Variants in ODAD3 observed in about 807,000 individuals in gnomAD.
ODAD3 encodes outer dynein arm-docking complex subunit 3.
In ODAD3, 57 loss-of-function variants were observed where a neutral mutation model predicts 70.9. The observed-to-expected ratio is 0.80, with a 90% CI of 0.65 to 1.00. The LOEUF is 1.00. Among genes scored for constraint, ODAD3 ranks in the 50% least tolerant of loss-of-function variants. ODAD3 has a pLI of 0.00. For synonymous variants in ODAD3, 327 were observed against 315.9 expected, an observed-to-expected ratio of 1.04 and a Z score of -0.37; for missense variants, 797 against 763.9, an observed-to-expected ratio of 1.04 and a Z score of -0.51.
chr19:11,428,699 C>T (rs1015716837), intron 3 of ODAD3, among the ~76,000 whole-genome samples: 1 of 152,006 alleles, frequency 6.6e-6, no homozygotes, highest in Non-Finnish European at 1.5e-5. Flanking sequence ...CAATCCTGTG[C>T]CACCACATTT....
chr19:11,423,745 G>A, intron 8 of ODAD3, 132 bp downstream of exon 8: 1 of 886,264 alleles, frequency 1.1e-6, no homozygotes, highest in Non-Finnish European at 1.7e-6. Flanking sequence ...GAAAGGAGCA[G>A]GTTTGTGAGC....
rs974238862 is a variant in ODAD3, at chr19:11,421,742, T to C, written c.1525A>G (p.Lys509Glu). ...LLGLVEEKLL[K>E]LQAQLQGHDV... ...TGGCCCTGGAGCTGCGCCTGCAGTT[T>C]CAGCAGCTTTTCCTCCACGAGGCCC... Residue 509 changes from lysine (K) to glutamate (E), a missense_variant, in exon 11 of 13, where the codon AAA becomes GAA. Transcript: ENST00000356392. The C allele has an allele frequency of 3.1e-6, 5 of 1,613,322 alleles. No individual in the cohort carries two copies. The African/African-American group carries it at 6.7e-5, about 22-fold the overall frequency.
In ODAD3 at chr19:11,424,923, C is replaced by A. The variant is rs185730125; in HGVS notation, c.964-894G>T. 6.7e-4 allele frequency among the ~76,000 whole-genome samples: 63 copies of A among 94,568 alleles called. 1 individual carries two copies. The highest frequency in any genetic ancestry group is 2.4e-3 in the South Asian group (8 of 3,308). The allele number at this position is 94,568 out of a possible 152,430, so 62.0% of individuals were successfully genotyped here. ...TATATGTATATATGTGTATATGTAC[C>A]TATGTGTATATATGTATATATGTGT... On this transcript the variant is annotated intron_variant, in intron 7 of 12. Transcript: ENST00000356392.
At chr19:11,435,351 A>C (rs1599474452), upstream of ODAD3, 1 of 496,992 alleles carries the variant, frequency 2.0e-6, no homozygotes, top group Non-Finnish European at 3.4e-6. Flanking sequence ...CCGTTTCCCT[A>C]CCTCCCCCAA....
intron 7 of ODAD3, among the ~76,000 whole-genome samples, chr19:11,425,391 A>G (rs1189974518): frequency 8.2e-6 from 1 of 121,510 alleles, no homozygotes; most frequent in South Asian, 2.3e-4. Context: ...GTATGTACAT[A>G]TGTGTATATG....
At chr19:11,423,191 C>G (rs1969182828) in intron 8 of ODAD3, among the ~76,000 whole-genome samples, 2 of 152,226 alleles carry the variant, frequency 1.3e-5, no homozygotes, top group African/African-American at 2.4e-5. Context: ...CCCGATTCCG[C>G]AGGAAATACC....
At chr19:11,421,342 C>T in intron 11 of ODAD3, 130 bp from the exon 12 acceptor site, 1 of 842,182 alleles carries the variant, frequency 1.2e-6, no homozygotes, top group Non-Finnish European at 1.8e-6. Flanking sequence ...TGCCCACTCC[C>T]ATCCCTCCTT....
rs367922109 is a variant in ODAD3, at chr19:11,421,666, C to T, written c.1590+11G>A. ...AGATCTCTGGAGCTCTGCCCCATGG[C>T]TGCAGGGCACCTCGCGGTTAGCGAT... On this transcript the variant is annotated intron_variant, in intron 11 of 12. Transcript: ENST00000356392. The T allele has an allele frequency of 1.2e-6, 2 of 1,609,542 alleles. No homozygotes were observed. The highest frequency in any genetic ancestry group is 1.1e-5 in the South Asian group (1 of 90,692).
chr19:11,424,675 GTATATATACCTATGTGTA>G (rs1969231541), intron 7 of ODAD3, among the ~76,000 whole-genome samples: 27 of 70,866 alleles, frequency 3.8e-4, no homozygotes, highest in Non-Finnish European at 5.7e-4. Context: ...GTATATATGT[GTATATATACCTATGTGTA>G]TATATGTATA....
In ODAD3 at chr19:11,434,720, T is replaced by C. The variant is rs533441175; in HGVS notation, c.244+53A>G. On this transcript the variant is annotated intron_variant, in intron 1 of 12. Transcript: ENST00000356392. ...AAATACCTTTGTCACACCATGAAGATTGGATGGGCACTGTTGACCCCTGAC... is the reference window on the plus strand; with the variant it reads ...AAATACCTTTGTCACACCATGAAGACTGGATGGGCACTGTTGACCCCTGAC... 8.4e-5 allele frequency: 130 copies of C among 1,547,730 alleles called. No individual in the cohort carries two copies. In the African/African-American group the frequency reaches 1.3e-3, roughly 15 times the overall value.
At chr19:11,435,504 C>T (rs1969665451), upstream of ODAD3, 1 of 423,980 alleles carries the variant, frequency 2.4e-6, no homozygotes, top group Non-Finnish European at 4.4e-6. Flanking sequence ...GTTTCACAGT[C>T]CTGCCCAAGA....
chr19:11,426,688 G>A lies in ODAD3; in HGVS notation c.709C>T (p.Leu237=). The A allele has an allele frequency of 6.2e-7, 1 of 1,613,898 alleles. No individual in the cohort carries two copies. The highest frequency in any genetic ancestry group is 8.5e-7 in the Non-Finnish European group (1 of 1,179,908). The part of the protein sequence containing the change: ...TSVYLQLKAY[L]MDESLNLENR... ...CGAGCCCTCCTAGTCCCTACCATTA[G>A]ATAGGCCTTGAGCTGCAGGTACACG... is the stretch of plus-strand genomic sequence containing the variant. The change falls in exon 5 of 13, where the codon CTA becomes TTA. Residue 237 remains leucine (L), a synonymous_variant. Coordinates refer to ENST00000356392, the MANE Select transcript of ODAD3 (RefSeq NM_145045.5).
Position 11,422,741 on chromosome 19 carries a change from G to C in ODAD3, c.1237C>G (p.Leu413Val), listed in dbSNP as rs1424293722. The change falls in exon 9 of 13, where the codon CTG becomes GTG. Residue 413 changes from leucine to valine, a missense_variant. Transcript: ENST00000356392. The surrounding 1 kb of genome is among the most constrained non-coding windows in gnomAD (Gnocchi z 4.6). Reference sequence around the variant, plus strand: ...TCCCCCGAGTACTTGAGGTCTTCCAGCTCCCGCTGCAGTTGTTGCTTCTCC... The same window carrying C: ...TCCCCCGAGTACTTGAGGTCTTCCACCTCCCGCTGCAGTTGTTGCTTCTCC... ...KQEKQQLQRELEDLKYSGEAT... is the reference protein window; with the variant it reads ...KQEKQQLQREVEDLKYSGEAT... 1 of 1,612,640 alleles carries C rather than the reference G, an allele frequency of 6.2e-7. No homozygotes were observed. The highest frequency in any genetic ancestry group is 1.7e-5 in the Admixed American group (1 of 60,020).
upstream of ODAD3, chr19:11,435,650 A>G (rs540057283): frequency 7.7e-5 from 98 of 1,278,972 alleles, no homozygotes; most frequent in Non-Finnish European, 9.6e-5. Flanking sequence ...TGCAGCAGGA[A>G]CCGCGGCTGC....
chr19:11,430,899 C>T lies in ODAD3; in HGVS notation c.366G>A (p.Lys122=). The T allele has an allele frequency of 6.2e-7, 1 of 1,614,058 alleles. No homozygotes were observed. Among genetic ancestry groups the T allele is most frequent in the Non-Finnish European group, 8.5e-7 (1 of 1,179,996 alleles). ...ALELKLLDLL[K]GDEKVVQAVI... ...CTACACCCACCCCTTTGCCCCTTAC[C>T]TTGAGCAGGTCCAGCAGCTTTAGTT... Residue 122 remains lysine (K), a splice_region_variant and synonymous_variant, in exon 2 of 13, where the codon AAG becomes AAA. Transcript: ENST00000356392.
intron 7 of ODAD3, among the ~76,000 whole-genome samples, chr19:11,425,652 TATA>T (rs1969349820): frequency 2.0e-5 from 2 of 101,010 alleles, no homozygotes; most frequent in African/African-American, 1.2e-4. Flanking sequence ...TGTATATACG[TATA>T]TATATATATA....
At chr19:11,425,424 TAC>T (rs1156234822) in intron 7 of ODAD3, among the ~76,000 whole-genome samples, 2 of 144,302 alleles carry the variant, frequency 1.4e-5, no homozygotes. Context: ...TATGTGTATA[TAC>T]ACATATGTGT....
chr19:11,425,296 T>TATATGTAC lies in ODAD3; in HGVS notation c.963+847_963+848insGTACATAT, dbSNP rs1162814981. 2.7e-4 allele frequency among the ~76,000 whole-genome samples: 36 copies of TATATGTAC among 132,500 alleles called. 6 individuals carry two copies. The highest frequency in any genetic ancestry group is 1.2e-3 in the African/African-American group (34 of 28,990). The allele number at this position is 132,500 out of a possible 152,430, so 86.9% of individuals were successfully genotyped here. On this transcript the variant is annotated intron_variant, in intron 7 of 12. Coordinates refer to ENST00000356392, the MANE Select transcript of ODAD3 (RefSeq NM_145045.5). ...ATGTGTGTATATGTACATATGTGTA[T>TATATGTAC]ATATGTGTATGTGTACATATGTGTA...
chr19:11,425,448 T>TAC lies in ODAD3; in HGVS notation c.963+694_963+695dup, dbSNP rs1210688240. On this transcript the variant is annotated intron_variant, in intron 7 of 12. Transcript: ENST00000356392. The stretch of plus-strand genomic sequence containing the variant: ...ATACACATATGTGTATATGTATATA[T>TAC]ACATATATGTGTGTGTATATATGTA... Among the ~76,000 whole-genome samples, 11 of 137,494 alleles carry TAC rather than the reference T, an allele frequency of 8.0e-5. 1 individual carries two copies. Among genetic ancestry groups the TAC allele is most frequent in the South Asian group, 2.2e-4 (1 of 4,634 alleles). The allele number at this position is 137,494 out of a possible 152,430, so 90.2% of individuals were successfully genotyped here.
Sources: allele counts gnomAD v4.1 joint callset (sites outside exome capture counted in the v4.1 genomes callset), GRCh38; gene constraint gnomAD v4.1.1; non-coding constraint Gnocchi (gnomAD v3.1); transcripts MANE v1.5; gene names NCBI Gene and HGNC (gene_info 2026-07-23, HGNC 2026-07-21).